SNTG1: variants seen among roughly 807,000 people sequenced by gnomAD.
SNTG1 encodes the protein syntrophin gamma 1.
A neutral mutation model predicts 74.7 loss-of-function variants in SNTG1; 39 were observed. The ratio of observed to expected loss-of-function variants is 0.52; its 90% CI spans 0.40 to 0.68. SNTG1 has a LOEUF of 0.68. Among genes scored for constraint, SNTG1 ranks in the 30% least tolerant of loss-of-function variants. SNTG1 has a pLI of 0.00. For synonymous variants in SNTG1, 254 were observed against 217.1 expected (o/e 1.17, Z -1.49); for missense variants, 685 against 609.5 (o/e 1.12, Z -1.30).
chr8:50,178,439 G>C (rs986600181), intron 2 of SNTG1, among the ~76,000 whole-genome samples: 4 of 151,240 alleles, frequency 2.6e-5, no homozygotes, highest in African/African-American at 7.3e-5. Context: ...GGATAGTTTA[G>C]GAAATTGTTG....
chr8:50,018,604 T>C (rs1816548563), intron 1 of SNTG1, among the ~76,000 whole-genome samples: 1 of 151,996 alleles, frequency 6.6e-6, no homozygotes, highest in African/African-American at 2.4e-5. Flanking sequence ...TTGTTTCGCT[T>C]TTTACTTATG....
chr8:49,968,925 T>C (rs536094872), intron 1 of SNTG1, among the ~76,000 whole-genome samples: 16 of 152,276 alleles, frequency 1.1e-4, no homozygotes, highest in African/African-American at 3.9e-4. Flanking sequence ...GGCAGAATAA[T>C]ATATTTCAGG....
intron 1 of SNTG1, among the ~76,000 whole-genome samples, chr8:50,079,567 A>AT (rs1477471931): frequency 6.6e-6 from 1 of 152,044 alleles, no homozygotes. Flanking sequence ...CTTTAGTTTA[A>AT]TTAGATCCCA....
intron 2 of SNTG1, among the ~76,000 whole-genome samples, chr8:50,357,190 C>G (rs1337654182): frequency 6.6e-6 from 1 of 152,156 alleles, no homozygotes; most frequent in Non-Finnish European, 1.5e-5. Flanking sequence ...TCCCCTCAGT[C>G]ACCAGGGCTC....
intron 13 of SNTG1, among the ~76,000 whole-genome samples, chr8:50,631,262 A>C (rs1275329851): frequency 1.3e-5 from 2 of 152,244 alleles, no homozygotes; most frequent in African/African-American, 4.8e-5. Flanking sequence ...GTATAAGCAC[A>C]CACAGAAATC....
At chr8:50,748,793 C>G (rs1475964744) in intron 17 of SNTG1, among the ~76,000 whole-genome samples, 1 of 151,870 alleles carries the variant, frequency 6.6e-6, no homozygotes, top group East Asian at 1.9e-4. Flanking sequence ...TGAACTGTGC[C>G]CATATAAGAT....
intron 1 of SNTG1, among the ~76,000 whole-genome samples, chr8:49,915,831 T>C (rs1805978385): frequency 6.6e-6 from 1 of 152,206 alleles, no homozygotes; most frequent in Non-Finnish European, 1.5e-5. Context: ...GGGGCTAGCC[T>C]GGAAATGCTG....
At chr8:50,493,937 T>C (rs1325449178) in intron 8 of SNTG1, among the ~76,000 whole-genome samples, 1 of 151,722 alleles carries the variant, frequency 6.6e-6, no homozygotes, top group Non-Finnish European at 1.5e-5. Context: ...AAATAAAAAA[T>C]TGAAATTTCT....
At chr8:50,398,981 G>A (rs977416477) in intron 3 of SNTG1, among the ~76,000 whole-genome samples, 4 of 152,110 alleles carry the variant, frequency 2.6e-5, no homozygotes, top group Non-Finnish European at 5.9e-5. Flanking sequence ...ATACTATGAG[G>A]CCAGGGAATG....
chr8:50,101,147 T>A (rs1188574978), intron 1 of SNTG1, among the ~76,000 whole-genome samples: 1 of 152,160 alleles, frequency 6.6e-6, no homozygotes, highest in African/African-American at 2.4e-5. Context: ...TTCCATGGTA[T>A]ATATGTACCA....
chr8:50,493,823 A>C lies in SNTG1; in HGVS notation c.364-8955A>C, dbSNP rs565874523. On this transcript the variant is annotated intron_variant, in intron 8 of 18. Transcript: ENST00000642720. ...GACAACTGGTAATTGCTGAAAAAAA[A>C]CAAAAATAATAAAACCATGTCAAAT... Among the ~76,000 whole-genome samples the C allele has an allele frequency of 1.1e-4, 16 of 151,650 alleles. No individual in the cohort carries two copies. The East Asian group carries it at 2.9e-3, about 27-fold the overall frequency.
intron 15 of SNTG1, among the ~76,000 whole-genome samples, chr8:50,694,740 G>C (rs2131469483): frequency 6.6e-6 from 1 of 152,106 alleles, no homozygotes; most frequent in South Asian, 2.1e-4. Flanking sequence ...CCATGATCAA[G>C]TGGGATTTAT....
chr8:50,451,169 G>A (rs2131626801), intron 8 of SNTG1, among the ~76,000 whole-genome samples: 1 of 151,258 alleles, frequency 6.6e-6, no homozygotes, highest in Non-Finnish European at 1.5e-5. Flanking sequence ...AAATATGTGG[G>A]GAAGAACAAT....
At chr8:50,154,525 T>C (rs1368893808) in intron 1 of SNTG1, among the ~76,000 whole-genome samples, 1 of 152,004 alleles carries the variant, frequency 6.6e-6, no homozygotes, top group East Asian at 1.9e-4. Context: ...AACTTTAGAA[T>C]AGAGAAACCC....
chr8:50,648,531 A>G (rs922856837), intron 13 of SNTG1, among the ~76,000 whole-genome samples: 5 of 152,138 alleles, frequency 3.3e-5, no homozygotes, highest in Non-Finnish European at 2.9e-5. Context: ...CTAAAATTTC[A>G]TCTTATTACA....
At chr8:50,627,308 C>G (rs1003035952) in intron 13 of SNTG1, among the ~76,000 whole-genome samples, 1 of 152,092 alleles carries the variant, frequency 6.6e-6, no homozygotes, top group Non-Finnish European at 1.5e-5. Flanking sequence ...CATAGATTAT[C>G]ATAGATAATA....
chr8:50,657,229 C>T (rs753178309), intron 14 of SNTG1, among the ~76,000 whole-genome samples: 1 of 152,088 alleles, frequency 6.6e-6, no homozygotes, highest in Non-Finnish European at 1.5e-5. Context: ...AAGTCTGGAA[C>T]TTACTTCTTT....
At chr8:50,629,606 A>T (rs1051416931) in intron 13 of SNTG1, among the ~76,000 whole-genome samples, 1 of 152,118 alleles carries the variant, frequency 6.6e-6, no homozygotes, top group East Asian at 1.9e-4. Flanking sequence ...GTCCTCAATG[A>T]TATTGACTAA....
chr8:50,222,007 G>T (rs1563760874), intron 2 of SNTG1, among the ~76,000 whole-genome samples: 1 of 152,178 alleles, frequency 6.6e-6, no homozygotes, highest in Non-Finnish European at 1.5e-5. Context: ...ATTGGTAGGA[G>T]ATGCAATCTT....
Sources: gnomAD v4.1 joint callset for allele counts (sites outside exome capture counted in the v4.1 genomes callset) on GRCh38, gnomAD v4.1.1 for gene constraint, MANE v1.5 for transcripts, NCBI Gene and HGNC (gene_info 2026-07-23, HGNC 2026-07-21) for gene names.